ZNF324B: variants seen among roughly 807,000 people sequenced by gnomAD.
ZNF324B encodes the protein zinc finger protein 324B.
In ZNF324B, 7 loss-of-function variants were observed where a neutral mutation model predicts 10.6. That is an observed-to-expected ratio of 0.66 (90% CI 0.38 to 1.24). ZNF324B has a LOEUF of 1.24. Ranked by LOEUF, ZNF324B falls within the 50% of genes most tolerant of loss-of-function variation. The pLI is 0.02. For missense variants in ZNF324B, 640 were observed against 764.7 expected, an observed-to-expected ratio of 0.84 and a Z score of 1.92; for synonymous variants, 316 against 321.0, an observed-to-expected ratio of 0.98 and a Z score of 0.17.
At chr19:58,433,328 TA>T in the ZNF324B span, 21 of 1,610,812 alleles carry the variant, frequency 1.3e-5, no homozygotes, top group Non-Finnish European at 1.3e-5. Flanking sequence ...TCCACTCAGG[TA>T]TGAATCTTTT....
At chr19:58,435,436 A>T in the ZNF324B span, 2 of 519,272 alleles carry the variant, frequency 3.9e-6, no homozygotes, top group African/African-American at 3.8e-5. Context: ...AGGACACAGA[A>T]ATGGGTCAAA....
chr19:58,441,994 GAA>G, the ZNF324B span: 1 of 152,284 alleles, frequency 6.6e-6, no homozygotes, highest in African/African-American at 2.4e-5. Context: ...CCCTACACAT[GAA>G]ATCTAGGTTT....
At chr19:58,434,884 A>G in the ZNF324B span, 1 of 1,614,238 alleles carries the variant, frequency 6.2e-7, no homozygotes, top group Non-Finnish European at 8.5e-7. Flanking sequence ...GTTCTCTGAC[A>G]GGTGGACTTT....
chr19:58,424,085 CA>C, the ZNF324B span, among the ~76,000 whole-genome samples: 472 of 136,406 alleles, frequency 3.5e-3, no homozygotes, highest in Middle Eastern at 7.5e-3. Flanking sequence ...ACTAAAAATA[CA>C]AAAAAAAAAA....
At position 58,456,771 on chromosome 19, in the gene ZNF324B, C is replaced by G. The variant is rs1257664486; in HGVS notation, c.*192C>G. On this transcript the variant is annotated 3_prime_UTR_variant, in exon 4 of 4. Transcript: ENST00000336614. This position sits in a 1 kb window ranked among gnomAD's most constrained non-coding sequence, Gnocchi z 4.7. ...TTGCCAGTTTAGTCATAGCTCACAC[C>G]TCCATCCTCAAAGAGGTAACACTGC... The G allele has an allele frequency of 3.0e-5, 20 of 658,422 alleles. No individual in the cohort carries two copies. The highest frequency in any genetic ancestry group is 4.9e-5 in the Non-Finnish European group (19 of 391,040). 40.8% of individuals were successfully genotyped at this position (658,422 alleles called of 1,614,324 possible). A position where few individuals can be genotyped will look rare whatever the true frequency, so the allele number is the denominator to read the frequency against.
chr19:58,456,641 G>A lies in ZNF324B; in HGVS notation c.*62G>A, dbSNP rs113008143. On this transcript the variant is annotated 3_prime_UTR_variant, in exon 4 of 4. Transcript: ENST00000336614. This position sits in a 1 kb window ranked among gnomAD's most constrained non-coding sequence, Gnocchi z 4.7. ...TGTGAATCCCTTCCACAGCTAAAGG[G>A]TCCGAGTGCTCTTCAGATCCACGAT... 1.9e-6 allele frequency: 3 copies of A among 1,543,946 alleles called. No homozygotes were observed. The highest frequency in any genetic ancestry group is 2.7e-5 in the African/African-American group (2 of 73,268).
chr19:58,455,919 C>T lies in ZNF324B; in HGVS notation c.975C>T (p.Ser325=). 1 of 1,601,834 alleles carries T rather than the reference C, an allele frequency of 6.2e-7. No individual in the cohort carries two copies. Among genetic ancestry groups the T allele is most frequent in the Non-Finnish European group, 8.5e-7 (1 of 1,172,236 alleles). The change falls in exon 4 of 4, where the codon AGC becomes AGT. Residue 325 remains serine, a synonymous_variant. Transcript: ENST00000336614. This position sits in a 1 kb window ranked among gnomAD's most constrained non-coding sequence, Gnocchi z 7.0. ...CPVCGKAFRH[S]SSLVRHQRIH... ...TGTGCGGCAAGGCCTTCCGGCATAGCTCCTCGCTGGTGCGGCACCAGCGCA... is the reference window on the plus strand; with the variant it reads ...TGTGCGGCAAGGCCTTCCGGCATAGTTCCTCGCTGGTGCGGCACCAGCGCA...
intron 1 of ZNF324B, among the ~76,000 whole-genome samples, chr19:58,452,975 T>A (rs2052875651): frequency 6.6e-6 from 1 of 151,914 alleles, no homozygotes; most frequent in African/African-American, 2.4e-5. Flanking sequence ...GGCGGGAGGC[T>A]GAGGCAGGAG....
chr19:58,450,020 CAT>C (rs1184601193), upstream of ZNF324B, among the ~76,000 whole-genome samples: 1 of 152,164 alleles, frequency 6.6e-6, no homozygotes, highest in African/African-American at 2.4e-5. Flanking sequence ...ATAATTCCCA[CAT>C]GTTGTGGAAG....
chr19:58,446,917 CCTTTCCTTTCCTTTG>C (rs764049406), upstream of ZNF324B, among the ~76,000 whole-genome samples: 18 of 151,124 alleles, frequency 1.2e-4, no homozygotes, highest in South Asian at 6.3e-4. Flanking sequence ...TTTCTTCTTT[CCTTTCCTTTCCTTTG>C]CTTTCCTTTC....
the ZNF324B span, chr19:58,434,246 C>T: frequency 6.2e-7 from 1 of 1,614,062 alleles, no homozygotes; most frequent in Middle Eastern, 1.6e-4. Flanking sequence ...TAAGGTCTTA[C>T]CTGTGTGTGA....
chr19:58,422,321 G>A, the ZNF324B span, among the ~76,000 whole-genome samples: 1 of 152,104 alleles, frequency 6.6e-6, no homozygotes, highest in Admixed American at 6.6e-5. Flanking sequence ...TTACTGAATG[G>A]GGAAAGGCTG....
the ZNF324B span, chr19:58,433,786 G>A: frequency 6.2e-6 from 10 of 1,614,032 alleles, no homozygotes; most frequent in African/African-American, 1.3e-5. Context: ...GGAGCTGTGA[G>A]CAAAGGCTTT....
chr19:58,447,667 G>A (rs777381080), upstream of ZNF324B, among the ~76,000 whole-genome samples: 7 of 152,280 alleles, frequency 4.6e-5, no homozygotes, highest in Middle Eastern at 3.4e-3. Context: ...ACAGGAGTTC[G>A]AGACCAACCT....
chr19:58,453,613 G>T, intron 1 of ZNF324B, 83 bp from the exon 2 acceptor site: 2 of 1,561,162 alleles, frequency 1.3e-6, no homozygotes, highest in Middle Eastern at 3.5e-4. Context: ...CACTGGGGGA[G>T]GTGACTGTTG....
the ZNF324B span, chr19:58,440,555 G>A: frequency 6.6e-6 from 1 of 152,380 alleles, no homozygotes; most frequent in Non-Finnish European, 1.5e-5. Flanking sequence ...GAGGCTCCCT[G>A]GGCCCATGGA....
upstream of ZNF324B, chr19:58,451,553 G>A (rs764441565): frequency 2.0e-6 from 1 of 511,782 alleles, no homozygotes; most frequent in South Asian, 1.4e-5. Flanking sequence ...CCAGAAGGCT[G>A]TGCGCAAGCG....
chr19:58,454,164 GCT>G, intron 2 of ZNF324B, 62 bp from the exon 3 acceptor site: 1 of 1,064,412 alleles, frequency 9.4e-7, no homozygotes, highest in Non-Finnish European at 1.5e-6. Flanking sequence ...CCTGACTCCT[GCT>G]CTCTGTTGGG....
the ZNF324B span, among the ~76,000 whole-genome samples, chr19:58,438,437 C>A: frequency 6.6e-6 from 1 of 152,050 alleles, no homozygotes; most frequent in African/African-American, 2.4e-5. Context: ...ATCTACTCCT[C>A]ACACCAACTT....
Sources: allele counts gnomAD v4.1 joint callset (sites outside exome capture counted in the v4.1 genomes callset), GRCh38; gene constraint gnomAD v4.1.1; non-coding constraint Gnocchi (gnomAD v3.1); transcripts MANE v1.5; gene names NCBI Gene and HGNC (gene_info 2026-07-23, HGNC 2026-07-21).